The following TEX14 variants were observed in gnomAD, a reference collection of about 807,000 sequenced individuals.
TEX14 encodes testis expressed 14, intercellular bridge forming factor.
TEX14 carries 168 observed loss-of-function variants against 178.6 expected under a neutral mutation model. The ratio of observed to expected loss-of-function variants is 0.94; its 90% confidence interval spans 0.83 to 1.07. The LOEUF (loss-of-function observed/expected upper bound fraction) is 1.07. Among genes scored for constraint, TEX14 ranks in the 50% least tolerant of loss-of-function variants. TEX14 has a pLI of 0.00. For synonymous variants in TEX14, 626 were observed against 634.1 expected, an observed-to-expected ratio of 0.99 and a Z score of 0.19; for missense variants, 1,730 against 1,753.6, an observed-to-expected ratio of 0.99 and a Z score of 0.24.
chr17:58,577,349 C>T, intron 21 of TEX14, 26 bp downstream of exon 21: 2 of 1,036,882 alleles, frequency 1.9e-6, no homozygotes, highest in Non-Finnish European at 2.8e-6. Context: ...GAGTTTGAAA[C>T]TGCATAAGAT....
At chr17:58,583,260 A>G (rs2044868153) in intron 19 of TEX14, among the ~76,000 whole-genome samples, 1 of 151,982 alleles carries the variant, frequency 6.6e-6, no homozygotes, top group Non-Finnish European at 1.5e-5. Context: ...CAGCCTCCCA[A>G]GTAGCTGGGA....
chr17:58,587,653 G>C lies in TEX14; in HGVS notation c.2716C>G (p.Pro906Ala), dbSNP rs370535342. The change falls in exon 17 of 32, where the codon CCT (proline) becomes GCT (alanine). Residue 906 changes from proline (P) to alanine (A), a missense_variant. Pro to Ala is a conservative substitution (Grantham distance 27, BLOSUM62 -1). Around this residue, in one of 2 missense-constraint regions of TEX14, gnomAD observed 941 missense variants for 1,072.4 expected, o/e 0.88. Transcript: ENST00000349033. ...HWDSTRMSVE[P>A]VSSEIYNAES... is the part of the protein sequence containing the mutation. ...GCATTATAGATTTCAGAAGAAACAG[G>C]TTCCACACTCATCCTGAATTGCACG... 1.1e-5 allele frequency: 17 copies of C among 1,604,792 alleles called. No individual in the cohort carries two copies. Among genetic ancestry groups the C allele is most frequent in the Non-Finnish European group, 1.4e-5 (17 of 1,176,640 alleles).
chr17:58,563,824 A>G (rs1389077892), intron 28 of TEX14, among the ~76,000 whole-genome samples: 1 of 150,380 alleles, frequency 6.6e-6, no homozygotes, highest in African/African-American at 2.4e-5. Flanking sequence ...ACACACACAC[A>G]CACACACACA....
intron 9 of TEX14, among the ~76,000 whole-genome samples, chr17:58,612,089 A>T (rs1200168595): frequency 6.6e-6 from 1 of 152,212 alleles, no homozygotes; most frequent in Non-Finnish European, 1.5e-5. Flanking sequence ...CACCCTTTCC[A>T]GGGACTCTAT....
At chr17:58,680,142 A>C (rs894883067) in intron 1 of TEX14, among the ~76,000 whole-genome samples, 6 of 151,960 alleles carry the variant, frequency 3.9e-5, no homozygotes, top group African/African-American at 7.3e-5. Flanking sequence ...TACAGTAGTT[A>C]TCGAACTTCT....
rs1236761313 is a variant in TEX14 at position 58,622,985 on chromosome 17, G to C, written c.279C>G (p.Val93=). ...NHRCFDGSTP[V]HAAAFSGNQW... Reference sequence around the variant, plus strand: ...GATTGCCCGAAAATGCTGCTGCATGGACAGGGGTGCTCCCATCAAAGCAGC... The same window carrying C: ...GATTGCCCGAAAATGCTGCTGCATGCACAGGGGTGCTCCCATCAAAGCAGC... Residue 93 remains valine (V), a synonymous_variant, in exon 4 of 32, where the codon GTC becomes GTG. Coordinates refer to ENST00000349033, the MANE Select transcript of TEX14 (RefSeq NM_031272.5). The C allele has an allele frequency of 6.2e-7, 1 of 1,607,504 alleles. No homozygotes were observed. Among genetic ancestry groups the C allele is most frequent in the Non-Finnish European group, 8.5e-7 (1 of 1,174,402 alleles).
At position 58,665,698 on chromosome 17, in the gene TEX14, C is replaced by T. The variant is rs188857477; in HGVS notation, c.-1-13696G>A. ...AGGTACAGCTTTAAACAGTAAGCAA[C>T]GGTAACAACCCTGCAACCCCAAAGC... is the stretch of plus-strand genomic sequence containing the variant. On this transcript the variant is annotated intron_variant, in intron 1 of 31. Coordinates refer to ENST00000349033, the MANE Select transcript of TEX14 (RefSeq NM_031272.5). 1.6e-3 allele frequency among the ~76,000 whole-genome samples: 249 copies of T among 151,842 alleles called. 2 individuals carry two copies. The highest frequency in any genetic ancestry group is 5.4e-3 in the African/African-American group (223 of 41,388).
At position 58,590,040 on chromosome 17, in the gene TEX14, A is replaced by G. The variant is rs184991043; in HGVS notation, c.2577-2019T>C. Reference sequence around the variant, plus strand: ...CACTTTGGGAGGCCATGGCGGGCAGATCACAAAGTCAAGAGATGGAGACCA... The same window carrying G: ...CACTTTGGGAGGCCATGGCGGGCAGGTCACAAAGTCAAGAGATGGAGACCA... On this transcript the variant is annotated intron_variant, in intron 15 of 31. Transcript: ENST00000349033. Among the ~76,000 whole-genome samples, 673 of 152,216 alleles carry G rather than the reference A, an allele frequency of 4.4e-3. 3 individuals are homozygous for G. Among genetic ancestry groups the G allele is most frequent in the African/African-American group, 0.015 (641 of 41,524 alleles).
In TEX14 at chr17:58,621,679, G is replaced by T; in HGVS notation, c.525C>A (p.Ser175Arg). The change falls in exon 5 of 32, where the codon AGC becomes AGA. Residue 175 changes from serine (S) to arginine (R), a missense_variant. Ser to Arg is a moderately radical substitution (Grantham distance 110, BLOSUM62 -1). This residue lies in a region of TEX14 where 789 missense variants were observed against 681.2 expected (regional missense o/e 1.16). Coordinates refer to ENST00000349033, the MANE Select transcript of TEX14 (RefSeq NM_031272.5). The part of the protein sequence containing the change: ...KIDSPQRLVY[S>R]PSWCGGLVQG... Reference sequence around the variant, plus strand: ...GCACGAGGCCCCCACACCAGGACGGGCTGTAGACAAGCCGCTGCGGGGAGT... The same window carrying T: ...GCACGAGGCCCCCACACCAGGACGGTCTGTAGACAAGCCGCTGCGGGGAGT... The T allele has an allele frequency of 6.2e-7, 1 of 1,614,098 alleles. No individual in the cohort carries two copies. Among genetic ancestry groups the T allele is most frequent in the Non-Finnish European group, 8.5e-7 (1 of 1,179,966 alleles).
chr17:58,581,448 C>T (rs1237279419), intron 19 of TEX14, among the ~76,000 whole-genome samples: 4 of 151,954 alleles, frequency 2.6e-5, no homozygotes, highest in Non-Finnish European at 5.9e-5. Flanking sequence ...TTTCAAAACA[C>T]GTATGAATGC....
At chr17:58,649,892 A>G (rs907156664) in intron 2 of TEX14, among the ~76,000 whole-genome samples, 5 of 151,832 alleles carry the variant, frequency 3.3e-5, no homozygotes, top group Non-Finnish European at 7.4e-5. Context: ...GGTGCCCACC[A>G]CCATGCCTGG....
intron 5 of TEX14, 108 bp from the exon 6 acceptor site, chr17:58,617,727 C>G: frequency 1.4e-6 from 1 of 701,342 alleles, no homozygotes; most frequent in South Asian, 2.0e-5. Flanking sequence ...GTCTTTACTG[C>G]TAGACTTTCT....
intron 1 of TEX14, among the ~76,000 whole-genome samples, chr17:58,653,174 G>A (rs1237277068): frequency 6.6e-6 from 1 of 152,168 alleles, no homozygotes; most frequent in African/African-American, 2.4e-5. Context: ...TTGCCCTTGT[G>A]ATCCGCCTGC....
chr17:58,632,105 G>A (rs774406344), intron 2 of TEX14, among the ~76,000 whole-genome samples: 3 of 152,196 alleles, frequency 2.0e-5, no homozygotes, highest in Non-Finnish European at 4.4e-5. Context: ...TCCTCCACGC[G>A]TAACGCTGAC....
chr17:58,623,001 T>C lies in TEX14; in HGVS notation c.263A>G (p.Asp88Gly), dbSNP rs56292204. 6.3e-7 allele frequency: 1 copy of C among 1,592,106 alleles called. No homozygotes were observed. The highest frequency in any genetic ancestry group is 8.6e-7 in the Non-Finnish European group (1 of 1,161,778). ...TGCTGCATGGACAGGGGTGCTCCCA[T>C]CAAAGCAGCGGCTGGGGAGGGAGAT... is the stretch of plus-strand genomic sequence containing the variant. ...YGSDPNHRCF[D>G]GSTPVHAAAF... Residue 88 changes from aspartate to glycine, a missense_variant, in exon 4 of 32, where the codon GAT becomes GGT. Physicochemically the swap from Asp to Gly is moderately conservative, Grantham distance 94. This residue lies in a region of TEX14 where 789 missense variants were observed against 681.2 expected (regional missense o/e 1.16). Transcript: ENST00000349033.
intron 9 of TEX14, among the ~76,000 whole-genome samples, chr17:58,611,600 A>G (rs1292964135): frequency 2.0e-5 from 3 of 152,240 alleles, no homozygotes; most frequent in Non-Finnish European, 4.4e-5. Flanking sequence ...AAAGTTCTCA[A>G]AGTCTGGTAT....
At chr17:58,644,229 T>C (rs1271180519) in intron 2 of TEX14, among the ~76,000 whole-genome samples, 2 of 152,174 alleles carry the variant, frequency 1.3e-5, no homozygotes, top group Non-Finnish European at 2.9e-5. Context: ...TCTGGGATGG[T>C]GAACACACTG....
chr17:58,682,753 T>C (rs1021870443), intron 1 of TEX14, among the ~76,000 whole-genome samples: 7 of 152,164 alleles, frequency 4.6e-5, no homozygotes, highest in Non-Finnish European at 8.8e-5. Flanking sequence ...TTCATTGCTA[T>C]TGGCCTAGTT....
intron 1 of TEX14, among the ~76,000 whole-genome samples, chr17:58,664,542 C>A (rs1183604682): frequency 1.3e-5 from 2 of 152,162 alleles, no homozygotes; most frequent in African/African-American, 4.8e-5. Context: ...GGCCTAGCCA[C>A]TGGGGATACT....
Sources: allele counts gnomAD v4.1 joint callset (sites outside exome capture counted in the v4.1 genomes callset), GRCh38; gene constraint gnomAD v4.1.1; regional missense constraint gnomAD v4.1.1; transcripts MANE v1.5; gene names NCBI Gene and HGNC (gene_info 2026-07-23, HGNC 2026-07-21).